DHCR7: variants seen among roughly 807,000 people sequenced by gnomAD.
DHCR7 encodes 7-DHC reductase.
In DHCR7, 40 loss-of-function variants were observed where a neutral mutation model predicts 43.3. The ratio of observed to expected loss-of-function variants is 0.92; its 90% CI spans 0.72 to 1.20. DHCR7 has a LOEUF of 1.20. Ranked by LOEUF, DHCR7 falls within the 50% of genes most tolerant of loss-of-function variation. The pLI is 0.00. For synonymous variants in DHCR7, 298 were observed against 271.4 expected, an observed-to-expected ratio of 1.10 and a Z score of -0.96; for missense variants, 608 against 644.6, an observed-to-expected ratio of 0.94 and a Z score of 0.62.
At chr11:71,429,152 G>A (rs140991372) in intron 2 of DHCR7, among the ~76,000 whole-genome samples, 1 of 152,212 alleles carries the variant, frequency 6.6e-6, no homozygotes, top group African/African-American at 2.4e-5. Context: ...TGCATCAGTA[G>A]TTCTAACTGG....
At chr11:71,436,555 C>T (rs950978351) in intron 8 of DHCR7, among the ~76,000 whole-genome samples, 3 of 152,018 alleles carry the variant, frequency 2.0e-5, no homozygotes, top group African/African-American at 2.4e-5. Context: ...CCCAGCTACT[C>T]GGGAGGCTGA....
Position 71,435,071 on chromosome 11 carries a change from A to T in DHCR7, c.*304T>A, listed in dbSNP as rs1802125. On this transcript the variant is annotated 3_prime_UTR_variant, in exon 9 of 9. Coordinates refer to ENST00000355527, the MANE Select transcript of DHCR7 (RefSeq NM_001360.3). ...GTAGCGTGGCCTGGGCTCCTAATACAGGTAAATTGTCTCCAAAGGACTAGT... is the reference window on the plus strand; with the variant it reads ...GTAGCGTGGCCTGGGCTCCTAATACTGGTAAATTGTCTCCAAAGGACTAGT... The T allele has an allele frequency of 5.1e-6, 3 of 590,338 alleles. No individual in the cohort carries two copies. The African/African-American group carries it at 5.5e-5, about 11-fold the overall frequency. 36.6% of individuals were successfully genotyped at this position (590,338 alleles called of 1,614,324 possible).
Position 71,437,913 on chromosome 11 carries a change from C to T in DHCR7, c.862G>A (p.Glu288Lys), listed in dbSNP as rs565893436. 2.9e-5 allele frequency: 46 copies of T among 1,613,806 alleles called. No homozygotes were observed. The highest frequency in any genetic ancestry group is 1.6e-4 in the Middle Eastern group (1 of 6,062). ...TCAATGGTCTTCAGGTACCAGGTTTCGTTCCAGAAGAAGTCAATCACGTAG... is the reference window on the plus strand; with the variant it reads ...TCAATGGTCTTCAGGTACCAGGTTTTGTTCCAGAAGAAGTCAATCACGTAG... ...AIYVIDFFWN[E>K]TWYLKTIDIC... The change falls in exon 8 of 9, where the codon GAA becomes AAA. Residue 288 changes from glutamate (E) to lysine (K), a missense_variant. Coordinates refer to ENST00000355527, the MANE Select transcript of DHCR7 (RefSeq NM_001360.3).
rs761602799 is a variant in DHCR7, at chr11:71,437,908, G to A, written c.867C>T (p.Thr289=). Residue 289 remains threonine, a synonymous_variant, in exon 8 of 9, where the codon ACC becomes ACT. Transcript: ENST00000355527. The part of the protein sequence containing the change: ...IYVIDFFWNE[T]WYLKTIDICH... ...AGATGTCAATGGTCTTCAGGTACCA[G>A]GTTTCGTTCCAGAAGAAGTCAATCA... 4 of 1,613,758 alleles carry A rather than the reference G, an allele frequency of 2.5e-6. No individual in the cohort carries two copies. The highest frequency in any genetic ancestry group is 2.2e-5 in the East Asian group (1 of 44,890).
intron 2 of DHCR7, among the ~76,000 whole-genome samples, chr11:71,429,315 A>G (rs11233636): frequency 1.3e-5 from 2 of 152,332 alleles, no homozygotes; most frequent in East Asian, 3.9e-4. Context: ...TCTGAGCAAC[A>G]TGAGAAGACC....
chr11:71,448,978 C>A (rs1949436120), upstream of DHCR7: 1 of 152,518 alleles, frequency 6.6e-6, no homozygotes, highest in African/African-American at 2.4e-5. Context: ...TAGGGGGGCA[C>A]ACCTGTGCGA....
rs201362072 is a variant in DHCR7, at chr11:71,437,976, G to A, written c.832-33C>T. 80 of 1,608,612 alleles carry A rather than the reference G, an allele frequency of 5.0e-5. 1 individual carries two copies. The highest frequency in any genetic ancestry group is 1.5e-4 in the South Asian group (14 of 91,080). Reference sequence around the variant, plus strand: ...ACAGAAGCAGCCGCTGACCACCCCCGGCCCTCCTGGGGCCCCCATGGACCT... The same window carrying A: ...ACAGAAGCAGCCGCTGACCACCCCCAGCCCTCCTGGGGCCCCCATGGACCT... On this transcript the variant is annotated intron_variant, in intron 7 of 8. Coordinates refer to ENST00000355527, the MANE Select transcript of DHCR7 (RefSeq NM_001360.3).
intron 2 of DHCR7, 32 bp from the exon 3 acceptor site, chr11:71,444,990 C>G: frequency 6.3e-7 from 1 of 1,580,450 alleles, no homozygotes; most frequent in Non-Finnish European, 8.7e-7. Flanking sequence ...TTACATTATC[C>G]CTCAAATAAC....
chr11:71,437,984 T>C, intron 7 of DHCR7, 41 bp from the exon 8 acceptor site: 1 of 1,607,578 alleles, frequency 6.2e-7, no homozygotes, highest in South Asian at 1.1e-5. Context: ...CCGGCCCTCC[T>C]GGGGCCCCCA....
intron 6 of DHCR7, among the ~76,000 whole-genome samples, 161 bp from the exon 7 acceptor site, chr11:71,439,244 G>A (rs978066502): frequency 1.3e-5 from 2 of 152,208 alleles, no homozygotes; most frequent in African/African-American, 4.8e-5. Context: ...CCCCACGGCT[G>A]GAATGCTTGT....
At chr11:71,429,942 T>C (rs1949220292), downstream of DHCR7, among the ~76,000 whole-genome samples, 1 of 152,190 alleles carries the variant, frequency 6.6e-6, no homozygotes, top group Non-Finnish European at 1.5e-5. Flanking sequence ...TTTGAGGCAT[T>C]GAGTTTCCAA....
chr11:71,431,615 CTA>C (rs1293489165), downstream of DHCR7, among the ~76,000 whole-genome samples: 2 of 152,164 alleles, frequency 1.3e-5, no homozygotes, highest in African/African-American at 4.8e-5. Context: ...GCAGGAAGGT[CTA>C]GTTTATTAAA....
chr11:71,441,448 T>C lies in DHCR7; in HGVS notation c.413-8A>G. 1.9e-6 allele frequency: 3 copies of C among 1,607,356 alleles called. No individual in the cohort carries two copies. The highest frequency in any genetic ancestry group is 2.6e-6 in the Non-Finnish European group (3 of 1,175,826). ...GATACTTGTTCACAACCCCTGCAGATGAAGGATTCAGAAATGAAGGCGCTT... is the reference window on the plus strand; with the variant it reads ...GATACTTGTTCACAACCCCTGCAGACGAAGGATTCAGAAATGAAGGCGCTT... On this transcript the variant is annotated splice_polypyrimidine_tract_variant and splice_region_variant and intron_variant, in intron 5 of 8. Coordinates refer to ENST00000355527, the MANE Select transcript of DHCR7 (RefSeq NM_001360.3).
intron 5 of DHCR7, 127 bp from the exon 6 acceptor site, chr11:71,441,567 T>C: frequency 1.2e-6 from 1 of 832,600 alleles, no homozygotes; most frequent in Middle Eastern, 3.3e-4. Context: ...GACCCTCATC[T>C]GGGGCCCCAG....
At position 71,438,766 on chromosome 11, in the gene DHCR7, C is replaced by T. The variant is rs1321808099; in HGVS notation, c.831+113G>A. The stretch of plus-strand genomic sequence containing the variant: ...TCCTGGTGACACCTGGGGAGGGCAG[C>T]TGACTCTCTTTTACAAGCAGTAGAT... On this transcript the variant is annotated intron_variant, in intron 7 of 8. Transcript: ENST00000355527. 6.8e-6 allele frequency: 8 copies of T among 1,169,872 alleles called. No homozygotes were observed. The Admixed American group carries it at 1.6e-4, about 23-fold the overall frequency. The allele number at this position is 1,169,872 out of a possible 1,614,324, so 72.5% of individuals were successfully genotyped here.
intron 2 of DHCR7, among the ~76,000 whole-genome samples, chr11:71,446,680 G>C (rs10450661): frequency 6.6e-6 from 1 of 152,150 alleles, no homozygotes; most frequent in Non-Finnish European, 1.5e-5. Context: ...AAATTTCAAC[G>C]ATGAAAGACA....
intron 4 of DHCR7, among the ~76,000 whole-genome samples, chr11:71,442,722 T>G (rs1347601804): frequency 6.6e-6 from 1 of 152,134 alleles, no homozygotes; most frequent in East Asian, 1.9e-4. Context: ...AGTGGTGCAA[T>G]CATAGCTCAC....
At chr11:71,439,194 G>C in intron 6 of DHCR7, 111 bp from the exon 7 acceptor site, 1 of 1,066,698 alleles carries the variant, frequency 9.4e-7, no homozygotes, top group Non-Finnish European at 1.4e-6. Context: ...AGGGTAACGT[G>C]AGACGGCGCA....
chr11:71,435,227 T>A lies in DHCR7; in HGVS notation c.*148A>T, dbSNP rs1468735394. ...AAGCAAGGAACAGAGCGTGATTAGG[T>A]ACTGGACACCTGCCAAGTGCTGGGC... On this transcript the variant is annotated 3_prime_UTR_variant, in exon 9 of 9. Transcript: ENST00000355527. The A allele has an allele frequency of 2.4e-6, 2 of 817,652 alleles. No individual in the cohort carries two copies. The highest frequency in any genetic ancestry group is 2.1e-6 in the Non-Finnish European group (1 of 483,596). 50.6% of individuals were successfully genotyped at this position (817,652 alleles called of 1,614,324 possible).
Sources: allele counts gnomAD v4.1 joint callset (sites outside exome capture counted in the v4.1 genomes callset), GRCh38; gene constraint gnomAD v4.1.1; transcripts MANE v1.5; gene names NCBI Gene and HGNC (gene_info 2026-07-23, HGNC 2026-07-21).